Variants in NDST4 observed in about 807,000 individuals in gnomAD.
NDST4 encodes the protein N-deacetylase and N-sulfotransferase 4.
NDST4 carries 63 observed loss-of-function variants against 100.8 expected under a neutral mutation model. The observed-to-expected ratio is 0.62, with a 90% CI of 0.51 to 0.77. The LOEUF (loss-of-function observed/expected upper bound fraction) is 0.77, where lower values mean the gene tolerates loss of function less well. NDST4 is among the 30% of genes least tolerant of loss of function. NDST4 has a pLI of 0.00. For synonymous variants in NDST4, 377 were observed against 361.8 expected, an observed-to-expected ratio of 1.04 and a Z score of -0.48; for missense variants, 943 against 1,018.4, an observed-to-expected ratio of 0.93 and a Z score of 1.01.
intron 4 of NDST4, among the ~76,000 whole-genome samples, chr4:114,939,849 A>G (rs933544085): frequency 6.6e-6 from 1 of 152,190 alleles, no homozygotes; most frequent in Admixed American, 6.5e-5. Context: ...ATCACACTAT[A>G]TAATTATGAG....
rs567869875 is a variant in NDST4 at position 114,970,172 on chromosome 4, A to C, written c.1221+258T>G. 1.3e-4 allele frequency among the ~76,000 whole-genome samples: 19 copies of C among 148,014 alleles called. No individual in the cohort carries two copies. In the East Asian group the frequency reaches 3.3e-3, roughly 26 times the overall value. Reference sequence around the variant, plus strand: ...GATACAAGAGTAGTCATCTCGTAAAATAGGAGTTGAAAGCTTTCTGAAAAT... The same window carrying C: ...GATACAAGAGTAGTCATCTCGTAAACTAGGAGTTGAAAGCTTTCTGAAAAT... On this transcript the variant is annotated intron_variant, in intron 4 of 13. Transcript: ENST00000264363.
At chr4:114,838,467 A>G (rs981395607) in intron 11 of NDST4, among the ~76,000 whole-genome samples, 1 of 152,186 alleles carries the variant, frequency 6.6e-6, no homozygotes. Flanking sequence ...GCACATATAC[A>G]CCATGGAATA....
At chr4:114,928,003 G>A (rs1235154365) in intron 6 of NDST4, among the ~76,000 whole-genome samples, 1 of 152,014 alleles carries the variant, frequency 6.6e-6, no homozygotes, top group Admixed American at 6.6e-5. Context: ...CATTTCCCCC[G>A]GGACTTTGAT....
At chr4:115,012,478 T>C (rs192147675) in intron 2 of NDST4, among the ~76,000 whole-genome samples, 1 of 152,136 alleles carries the variant, frequency 6.6e-6, no homozygotes, top group East Asian at 1.9e-4. Flanking sequence ...TCACTTGTGC[T>C]CTTTTCTTGC....
chr4:114,901,781 T>C (rs1472225063), intron 6 of NDST4, among the ~76,000 whole-genome samples: 2 of 151,840 alleles, frequency 1.3e-5, no homozygotes, highest in Non-Finnish European at 2.9e-5. Flanking sequence ...TTCTCTCTTA[T>C]AGCATTTTTC....
chr4:115,077,924 C>T (rs965278079), intron 1 of NDST4, among the ~76,000 whole-genome samples: 9 of 152,098 alleles, frequency 5.9e-5, no homozygotes, highest in Non-Finnish European at 8.8e-5. Context: ...GAGGACAGAA[C>T]GCTTAGGTGA....
chr4:114,980,503 G>A (rs1035112295), intron 2 of NDST4, among the ~76,000 whole-genome samples: 2 of 151,952 alleles, frequency 1.3e-5, no homozygotes, highest in East Asian at 1.9e-4. Context: ...TTAGATGGGC[G>A]TGGTAGTGCA....
intron 2 of NDST4, among the ~76,000 whole-genome samples, chr4:115,014,552 T>G (rs892218130): frequency 6.6e-6 from 1 of 152,072 alleles, no homozygotes; most frequent in Non-Finnish European, 1.5e-5. Context: ...GAAAATCTAC[T>G]GGTTTTGAGA....
At chr4:114,933,247 T>G in intron 6 of NDST4, among the ~76,000 whole-genome samples, 1 of 152,148 alleles carries the variant, frequency 6.6e-6, no homozygotes, top group Non-Finnish European at 1.5e-5. Context: ...AACAAACAGG[T>G]GTTGGGAAAA....
At chr4:114,920,687 T>A (rs555477060) in intron 6 of NDST4, among the ~76,000 whole-genome samples, 9 of 152,294 alleles carry the variant, frequency 5.9e-5, no homozygotes, top group African/African-American at 2.2e-4. Flanking sequence ...ACATGACCTT[T>A]TCTTTACTTC....
At chr4:114,986,832 A>ATATATATATATATATATTT in intron 2 of NDST4, among the ~76,000 whole-genome samples, 1 of 94,664 alleles carries the variant, frequency 1.1e-5, no homozygotes, top group Non-Finnish European at 2.2e-5. Flanking sequence ...ATATATATAT[A>ATATATATATATATATATTT]TTTTAATATA....
chr4:114,910,481 A>G (rs933827942), intron 6 of NDST4, among the ~76,000 whole-genome samples: 5 of 152,182 alleles, frequency 3.3e-5, no homozygotes, highest in African/African-American at 1.2e-4. Context: ...TCCTAGAGAA[A>G]ATGAGAACTT....
At chr4:114,831,593 C>T (rs1430981638) in intron 12 of NDST4, among the ~76,000 whole-genome samples, 1 of 152,142 alleles carries the variant, frequency 6.6e-6, no homozygotes, top group Non-Finnish European at 1.5e-5. Flanking sequence ...CTCCTTTGCT[C>T]TCAGGTAATG....
intron 2 of NDST4, among the ~76,000 whole-genome samples, chr4:115,049,856 G>C (rs969201152): frequency 1.3e-4 from 20 of 152,054 alleles, no homozygotes; most frequent in Admixed American, 2.0e-4. Flanking sequence ...GTGCTATCTT[G>C]GTTACATCCA....
intron 3 of NDST4, among the ~76,000 whole-genome samples, chr4:114,972,170 C>T (rs765155720): frequency 2.0e-5 from 3 of 151,962 alleles, no homozygotes; most frequent in Non-Finnish European, 4.4e-5. Flanking sequence ...TACTGTAACA[C>T]GCCACTTACC....
intron 4 of NDST4, among the ~76,000 whole-genome samples, chr4:114,949,367 G>A (rs10003023): frequency 0.13 from 19,734 of 151,908 alleles, 1,753 homozygotes; most frequent in East Asian, 0.43. Context: ...GCATGATGTC[G>A]GATAGGGAAT....
chr4:114,901,018 T>A (rs1361481242), intron 6 of NDST4, among the ~76,000 whole-genome samples: 1 of 72,190 alleles, frequency 1.4e-5, no homozygotes, highest in African/African-American at 2.7e-4. Flanking sequence ...CACTATATGA[T>A]TTTTTTTTTT....
chr4:114,931,846 AT>A (rs1466861978), intron 6 of NDST4, among the ~76,000 whole-genome samples: 4 of 152,032 alleles, frequency 2.6e-5, no homozygotes, highest in African/African-American at 9.6e-5. Context: ...ATGAATTGTA[AT>A]TAAAGGTCTC....
At chr4:114,906,057 T>C (rs1724942037) in intron 6 of NDST4, among the ~76,000 whole-genome samples, 2 of 151,956 alleles carry the variant, frequency 1.3e-5, no homozygotes, top group Non-Finnish European at 1.5e-5. Flanking sequence ...CAGGAGAAAT[T>C]AGAAAAAGAA....
Sources: gnomAD v4.1 joint callset for allele counts (sites outside exome capture counted in the v4.1 genomes callset) on GRCh38, gnomAD v4.1.1 for gene constraint, MANE v1.5 for transcripts, NCBI Gene and HGNC (gene_info 2026-07-23, HGNC 2026-07-21) for gene names.